NTM: variants seen among roughly 807,000 people sequenced by gnomAD.
NTM encodes IgLON family member 2.
A neutral mutation model predicts 42.1 loss-of-function variants in NTM; 13 were observed. That is an observed-to-expected ratio of 0.31 (90% CI 0.20 to 0.49). The LOEUF (loss-of-function observed/expected upper bound fraction) is 0.49. Among genes scored for constraint, NTM ranks in the 20% least tolerant of loss-of-function variants. NTM has a pLI of 0.99. For missense variants in NTM, 373 were observed against 452.8 expected, an observed-to-expected ratio of 0.82 and a Z score of 1.60; for synonymous variants, 187 against 179.2, an observed-to-expected ratio of 1.04 and a Z score of -0.35.
At chr11:131,747,332 C>T (rs991276645) in intron 1 of NTM, among the ~76,000 whole-genome samples, 1 of 152,194 alleles carries the variant, frequency 6.6e-6, no homozygotes, top group Admixed American at 6.5e-5. Context: ...CCTCCTCCAC[C>T]TGAGTCTTTC....
chr11:131,744,163 C>T (rs563267823), intron 1 of NTM, among the ~76,000 whole-genome samples: 1 of 152,044 alleles, frequency 6.6e-6, no homozygotes, highest in Admixed American at 6.6e-5. Context: ...GTAATTATTC[C>T]TAATTTTAAG....
chr11:131,839,748 G>C (rs2043985126), intron 1 of NTM, among the ~76,000 whole-genome samples: 1 of 152,236 alleles, frequency 6.6e-6, no homozygotes, highest in Non-Finnish European at 1.5e-5. Context: ...GAATGGGTGT[G>C]AGCAAATGCA....
chr11:132,088,330 T>G (rs1460875078), intron 2 of NTM, among the ~76,000 whole-genome samples: 1 of 152,108 alleles, frequency 6.6e-6, no homozygotes, highest in Admixed American at 6.6e-5. Context: ...AAGATATTTT[T>G]GGGTTCACAT....
At chr11:131,565,895 G>A (rs887503686) in intron 1 of NTM, among the ~76,000 whole-genome samples, 2 of 152,106 alleles carry the variant, frequency 1.3e-5, no homozygotes, top group Non-Finnish European at 2.9e-5. Context: ...GTCCTTGTGC[G>A]GACCCATCTA....
chr11:131,380,495 G>C (rs770139716), intron 1 of NTM, among the ~76,000 whole-genome samples: 6 of 152,094 alleles, frequency 3.9e-5, no homozygotes, highest in Admixed American at 6.6e-5. Context: ...ACAGGCGTGA[G>C]CTACCGTGCC....
intron 1 of NTM, among the ~76,000 whole-genome samples, chr11:131,750,161 T>C (rs2082306061): frequency 6.6e-6 from 1 of 152,218 alleles, no homozygotes; most frequent in African/African-American, 2.4e-5. Flanking sequence ...TAAGTCTGTC[T>C]TTCCAAATAC....
intron 3 of NTM, among the ~76,000 whole-genome samples, chr11:132,167,663 A>C (rs1030475784): frequency 6.6e-6 from 1 of 152,224 alleles, no homozygotes; most frequent in Non-Finnish European, 1.5e-5. Flanking sequence ...TCCTTAGATG[A>C]AGGGAAGGCA....
intron 2 of NTM, among the ~76,000 whole-genome samples, chr11:131,926,673 T>TA (rs1389581923): frequency 6.6e-6 from 1 of 152,144 alleles, no homozygotes; most frequent in Non-Finnish European, 1.5e-5. Context: ...GGGAATTAAA[T>TA]AAAAATCCCA....
chr11:131,387,088 C>T (rs978142199), intron 1 of NTM, among the ~76,000 whole-genome samples: 8 of 152,178 alleles, frequency 5.3e-5, no homozygotes, highest in Non-Finnish European at 7.3e-5. Flanking sequence ...GTTTTTTCCC[C>T]GAGCCCTTAT....
intron 1 of NTM, among the ~76,000 whole-genome samples, chr11:131,440,874 G>A (rs35070180): frequency 0.25 from 31,398 of 126,500 alleles, 4,228 homozygotes; most frequent in Middle Eastern, 0.34. Context: ...ATTCATGCCC[G>A]TGTCTGGGGG....
intron 1 of NTM, among the ~76,000 whole-genome samples, chr11:131,594,418 C>G (rs924764659): frequency 6.6e-6 from 1 of 151,936 alleles, no homozygotes. Context: ...TTTTTTAAGA[C>G]AGGGTCTTGC....
intron 2 of NTM, among the ~76,000 whole-genome samples, chr11:131,958,158 G>A (rs2061756483): frequency 6.6e-6 from 1 of 152,122 alleles, no homozygotes; most frequent in African/African-American, 2.4e-5. Context: ...ATTTTCTCCA[G>A]CAAATTTTAT....
chr11:131,988,973 A>T (rs2066547243), intron 2 of NTM, among the ~76,000 whole-genome samples: 1 of 152,228 alleles, frequency 6.6e-6, no homozygotes, highest in Non-Finnish European at 1.5e-5. Flanking sequence ...TAGATATATC[A>T]TCTTCCTGAT....
intron 1 of NTM, among the ~76,000 whole-genome samples, chr11:131,686,818 A>C (rs1356508271): frequency 1.3e-5 from 2 of 152,238 alleles, no homozygotes; most frequent in Non-Finnish European, 2.9e-5. Flanking sequence ...TTTCAAAGGT[A>C]GAAAATAATT....
chr11:131,770,475 A>G (rs1006215926), intron 1 of NTM, among the ~76,000 whole-genome samples: 6 of 152,204 alleles, frequency 3.9e-5, no homozygotes, highest in African/African-American at 1.4e-4. Context: ...CACTTCAGCT[A>G]TCCTGCCTGA....
intron 1 of NTM, among the ~76,000 whole-genome samples, chr11:131,386,153 T>A (rs1253519267): frequency 6.6e-6 from 1 of 152,192 alleles, no homozygotes; most frequent in East Asian, 1.9e-4. Flanking sequence ...GGAAGGCAAT[T>A]CTGACACATG....
At position 131,898,138 on chromosome 11, in the gene NTM, G is replaced by A. The variant is rs142807788; in HGVS notation, c.83-13426G>A. Among the ~76,000 whole-genome samples, 33 of 152,306 alleles carry A rather than the reference G, an allele frequency of 2.2e-4. No homozygotes were observed. In the East Asian group the frequency reaches 4.4e-3, roughly 20 times the overall value. On this transcript the variant is annotated intron_variant, in intron 1 of 8. Transcript: ENST00000683400. ...GTGTGGTTAGCTATCTCTCCTAAGA[G>A]CAGAATGACTGTGCTCGAAATGTTT...
intron 1 of NTM, chr11:131,660,856 G>A (rs545915970): frequency 6.0e-5 from 74 of 1,229,172 alleles, no homozygotes; most frequent in East Asian, 2.3e-4. Flanking sequence ...TTTCAAAGTC[G>A]GAAGCTGGCC....
chr11:132,145,458 A>G (rs1274929994), intron 2 of NTM, among the ~76,000 whole-genome samples: 1 of 152,246 alleles, frequency 6.6e-6, no homozygotes, highest in Non-Finnish European at 1.5e-5. Flanking sequence ...AGAGAGGGAA[A>G]TGAATACAGA....
Sources: allele counts gnomAD v4.1 joint callset (sites outside exome capture counted in the v4.1 genomes callset), GRCh38; gene constraint gnomAD v4.1.1; transcripts MANE v1.5; gene names NCBI Gene and HGNC (gene_info 2026-07-23, HGNC 2026-07-21).